The following MMS19 variants were observed in gnomAD, a reference collection of about 807,000 sequenced individuals.
MMS19 encodes MMS19 cytosolic iron-sulfur assembly component, also known as MMS19 nucleotide excision repair protein homolog.
Under a neutral mutation model 129.8 loss-of-function variants are expected in MMS19, and 77 were observed. The ratio of observed to expected loss-of-function variants is 0.59; its 90% CI spans 0.49 to 0.72. MMS19 has a LOEUF of 0.72. MMS19 is among the 30% of genes least tolerant of loss of function. The pLI is 0.00. For synonymous variants in MMS19, 491 were observed against 502.8 expected, an observed-to-expected ratio of 0.98 and a Z score of 0.31; for missense variants, 1,168 against 1,266.3, an observed-to-expected ratio of 0.92 and a Z score of 1.18.
rs1303798630 is a variant in MMS19 at position 97,459,925 on chromosome 10, C to T, written c.2656+121G>A. ...TGGGACAAGAATCTAGAAGTTTAGT[C>T]TTCTAGGCACAGACCACAATATAGC... is the stretch of plus-strand genomic sequence containing the variant. On this transcript the variant is annotated intron_variant, in intron 26 of 30. Coordinates refer to ENST00000438925, the MANE Select transcript of MMS19 (RefSeq NM_022362.5). The T allele has an allele frequency of 4.3e-6, 5 of 1,151,708 alleles. No individual in the cohort carries two copies. In the South Asian group the frequency reaches 4.6e-5, roughly 11 times the overall value. The allele number at this position is 1,151,708 out of a possible 1,614,324, so 71.3% of individuals were successfully genotyped here. A position where few individuals can be genotyped will look rare whatever the true frequency, so the allele number is the denominator to read the frequency against.
chr10:97,459,315 C>T, intron 28 of MMS19, 33 bp from the exon 29 acceptor site: 1 of 1,612,232 alleles, frequency 6.2e-7, no homozygotes, highest in African/African-American at 1.3e-5. Context: ...TGAGAGCATG[C>T]CCAGGGAGAG....
chr10:97,467,023 G>A lies in MMS19; in HGVS notation c.1298-122C>T, dbSNP rs185214067. 13 of 1,092,436 alleles carry A rather than the reference G, an allele frequency of 1.2e-5. No individual in the cohort carries two copies. In the Admixed American group the frequency reaches 2.3e-4, roughly 19 times the overall value. 67.7% of individuals were successfully genotyped at this position (1,092,436 alleles called of 1,614,324 possible). A position where few individuals can be genotyped will look rare whatever the true frequency, so the allele number is the denominator to read the frequency against. ...TTTGAGACAAGGCCTCTGTTGCCCA[G>A]GCTGGAGTGCAGTGGCGTAATCTCG... On this transcript the variant is annotated intron_variant, in intron 14 of 30. Coordinates refer to ENST00000438925, the MANE Select transcript of MMS19 (RefSeq NM_022362.5).
At chr10:97,472,344 ATT>A (rs2034896441) in intron 8 of MMS19, among the ~76,000 whole-genome samples, 1 of 152,116 alleles carries the variant, frequency 6.6e-6, no homozygotes, top group African/African-American at 2.4e-5. Flanking sequence ...GATTCAAGCG[ATT>A]CTCCTGCCTG....
At chr10:97,473,327 C>T (rs966971647) in intron 8 of MMS19, among the ~76,000 whole-genome samples, 14 of 152,056 alleles carry the variant, frequency 9.2e-5, no homozygotes, top group Non-Finnish European at 1.5e-4. Context: ...TGAGCCACTG[C>T]GCCCGGCCTA....
intron 18 of MMS19, among the ~76,000 whole-genome samples, chr10:97,465,482 T>C (rs905521137): frequency 6.6e-6 from 1 of 152,188 alleles, no homozygotes; most frequent in African/African-American, 2.4e-5. Context: ...TTTTTGTATT[T>C]TTAGTAGAGA....
Position 97,459,486 on chromosome 10 carries a change from C to G in MMS19, c.2780G>C (p.Cys927Ser). 6.2e-7 allele frequency: 1 copy of G among 1,613,302 alleles called. No homozygotes were observed. Among genetic ancestry groups the G allele is most frequent in the Non-Finnish European group, 8.5e-7 (1 of 1,179,662 alleles). Reference sequence around the variant, plus strand: ...GCTGAGGGTGGAGAGCTGCACCACACAGTCAGGGCAGGACAGGGCCTCCAG... The same window carrying G: ...GCTGAGGGTGGAGAGCTGCACCACAGAGTCAGGGCAGGACAGGGCCTCCAG... ...LLLEALSCPDCVVQLSTLSCL... is the reference protein window; with the variant it reads ...LLLEALSCPDSVVQLSTLSCL... The change falls in exon 28 of 31, where the codon TGT (cysteine) becomes TCT (serine). Residue 927 changes from cysteine to serine, a missense_variant. Transcript: ENST00000438925.
chr10:97,459,436 C>G lies in MMS19; in HGVS notation c.2830G>C (p.Ala944Pro). The change falls in exon 28 of 31, where the codon GCA becomes CCA. Residue 944 changes from alanine (A) to proline (P), a missense_variant. This residue lies in a region of MMS19 where 831 missense variants were observed against 910.8 expected (regional missense o/e 0.91). Coordinates refer to ENST00000438925, the MANE Select transcript of MMS19 (RefSeq NM_022362.5). ...ACGTGAAGACTCATGACTTGGGGTG[C>G]TTCCAGTAGAAGAGGCTGAAGGCAG... Reference protein sequence around the residue: ...LSCLQPLLLEAPQVMSLHVDT... With the variant: ...LSCLQPLLLEPPQVMSLHVDT... 1.9e-6 allele frequency: 3 copies of G among 1,610,294 alleles called. No homozygotes were observed. Among genetic ancestry groups the G allele is most frequent in the Non-Finnish European group, 2.5e-6 (3 of 1,178,324 alleles).
chr10:97,493,568 AAAACAAT>A (rs1295726450), intron 1 of MMS19, among the ~76,000 whole-genome samples: 1 of 152,140 alleles, frequency 6.6e-6, no homozygotes, highest in East Asian at 1.9e-4. Flanking sequence ...ATAAATAAAT[AAAACAAT>A]CACAGTGTAA....
chr10:97,482,788 TCTCA>T (rs28987113), intron 2 of MMS19, among the ~76,000 whole-genome samples: 4,318 of 150,974 alleles, frequency 0.029, 87 homozygotes, highest in Non-Finnish European at 0.046. Context: ...TGAGATGGAC[TCTCA>T]CTCTGTCACC....
In MMS19 at chr10:97,461,549, G is replaced by T; in HGVS notation, c.2258C>A (p.Ser753Tyr). 1 of 1,604,696 alleles carries T rather than the reference G, an allele frequency of 6.2e-7. No homozygotes were observed. The highest frequency in any genetic ancestry group is 1.1e-5 in the South Asian group (1 of 89,054). Residue 753 changes from serine to tyrosine, a missense_variant, in exon 23 of 31, where the codon TCT becomes TAT. By Grantham distance (144) the Ser-to-Tyr change is moderately radical (BLOSUM62 -2). This residue lies in a region of MMS19 where 831 missense variants were observed against 910.8 expected (regional missense o/e 0.91). Transcript: ENST00000438925. ...ELSCCHSCPF[S>Y]STAAAKCFAG... is the part of the protein sequence containing the mutation. ...AAAGCACTTGGCAGCAGCGGTGGAA[G>T]AAAAGGGGCAGCTGTGGCAGCAGCT...
intron 29 of MMS19, 41 bp downstream of exon 29, chr10:97,459,182 G>A: frequency 2.5e-6 from 4 of 1,587,124 alleles, no homozygotes; most frequent in African/African-American, 2.7e-5. Flanking sequence ...TGTGTCTCTT[G>A]AGATGTTCCC....
chr10:97,465,605 G>A (rs59554205), intron 18 of MMS19, among the ~76,000 whole-genome samples, 200 bp downstream of exon 18: 37,575 of 152,330 alleles, frequency 0.25, 4,913 homozygotes, highest in East Asian at 0.47. Context: ...GCCCTGGCCG[G>A]GTACTCTTAA....
intron 1 of MMS19, among the ~76,000 whole-genome samples, chr10:97,490,204 G>A (rs1173244190): frequency 2.0e-5 from 3 of 151,830 alleles, no homozygotes; most frequent in Admixed American, 6.6e-5. Flanking sequence ...TCAGCCTCCC[G>A]AGTAGCTGGG....
At chr10:97,460,025 A>C (rs368486255) in intron 26 of MMS19, 21 bp downstream of exon 26, 35 of 1,610,158 alleles carry the variant, frequency 2.2e-5, no homozygotes, top group Admixed American at 5.0e-5. Context: ...ATATGTGGGG[A>C]CCTTCTTTCA....
intron 1 of MMS19, among the ~76,000 whole-genome samples, chr10:97,494,530 C>T (rs2039467993): frequency 6.6e-6 from 1 of 152,150 alleles, no homozygotes; most frequent in Admixed American, 6.5e-5. Flanking sequence ...AGATATTTCA[C>T]TAAACTGTAT....
chr10:97,460,940 G>A lies in MMS19; in HGVS notation c.2379C>T (p.Pro793=). ...DKVEAGLGSG[P]CRSQAFTLLL... ...GAAGAGTGAAGGCCTGACTACGACA[G>A]GGCCCAGAGCCCAGGCCAGCCTCCA... Residue 793 remains proline (P), a synonymous_variant, in exon 24 of 31, where the codon CCC becomes CCT. Transcript: ENST00000438925. 6.3e-7 allele frequency: 1 copy of A among 1,582,952 alleles called. No individual in the cohort carries two copies. Among genetic ancestry groups the A allele is most frequent in the East Asian group, 2.3e-5 (1 of 43,262 alleles).
chr10:97,468,802 T>C (rs2034081541), intron 12 of MMS19, among the ~76,000 whole-genome samples, 164 bp downstream of exon 12: 2 of 152,066 alleles, frequency 1.3e-5, no homozygotes, highest in Admixed American at 1.3e-4. Context: ...AGAGACGAGG[T>C]TTCACCATGT....
At chr10:97,495,037 C>T (rs143749351) in intron 1 of MMS19, among the ~76,000 whole-genome samples, 4 of 152,200 alleles carry the variant, frequency 2.6e-5, no homozygotes, top group African/African-American at 9.6e-5. Context: ...TACAAAGATT[C>T]TGACGTATGA....
rs1450958765 is a variant in MMS19 at position 97,466,581 on chromosome 10, G to A, written c.1428C>T (p.Leu476=). The change falls in exon 16 of 31, where the codon CTC becomes CTT. Residue 476 remains leucine (L), a synonymous_variant. Transcript: ENST00000438925. ...CCAGCTCCAAGTCCTCATAAGATAGGAGATCTGTAGTTAGAAGGGAACATG... is the reference window on the plus strand; with the variant it reads ...CCAGCTCCAAGTCCTCATAAGATAGAAGATCTGTAGTTAGAAGGGAACATG... The part of the protein sequence containing the change: ...TLTVLGAQPD[L]LSYEDLELAV... 6.2e-7 allele frequency: 1 copy of A among 1,612,822 alleles called. No individual in the cohort carries two copies. The highest frequency in any genetic ancestry group is 2.2e-5 in the East Asian group (1 of 44,874).
Sources: gnomAD v4.1 joint callset for allele counts (sites outside exome capture counted in the v4.1 genomes callset) on GRCh38, gnomAD v4.1.1 for gene constraint, gnomAD v4.1.1 regional missense constraint, MANE v1.5 for transcripts, NCBI Gene and HGNC (gene_info 2026-07-23, HGNC 2026-07-21) for gene names.